The following GPR158 variants were observed in gnomAD, a reference collection of about 807,000 sequenced individuals.
GPR158 encodes metabotropic glycine receptor.
Under a neutral mutation model 78.2 loss-of-function variants are expected in GPR158, and 30 were observed. The observed-to-expected ratio is 0.38, with a 90% CI of 0.29 to 0.52. The LOEUF (loss-of-function observed/expected upper bound fraction) is 0.52. Ranked by LOEUF, GPR158 falls within the 20% of genes least tolerant of loss-of-function variation. The probability of loss-of-function intolerance (pLI) is 0.83; values close to 1 mark genes in which losing one functional copy is unlikely to be tolerated. For missense variants in GPR158, 1,463 were observed against 1,523.5 expected, an observed-to-expected ratio of 0.96 and a Z score of 0.66; for synonymous variants, 581 against 591.1, an observed-to-expected ratio of 0.98 and a Z score of 0.25.
At chr10:25,370,889 T>C (rs1480946568) in intron 2 of GPR158, among the ~76,000 whole-genome samples, 1 of 151,806 alleles carries the variant, frequency 6.6e-6, no homozygotes, top group African/African-American at 2.4e-5. Context: ...TAGTTAGCTC[T>C]TCTTGTTGAA....
intron 4 of GPR158, among the ~76,000 whole-genome samples, chr10:25,429,214 T>C (rs1472586121): frequency 6.6e-6 from 1 of 152,102 alleles, no homozygotes; most frequent in Non-Finnish European, 1.5e-5. Flanking sequence ...CAGGTGCCTT[T>C]CCCTAATTAT....
chr10:25,522,562 G>T (rs1836292303), intron 5 of GPR158, among the ~76,000 whole-genome samples: 1 of 152,132 alleles, frequency 6.6e-6, no homozygotes, highest in African/African-American at 2.4e-5. Flanking sequence ...ACTTTGCCTT[G>T]GAGGAAATTG....
At chr10:25,344,400 C>T (rs972687672) in intron 2 of GPR158, among the ~76,000 whole-genome samples, 4 of 151,604 alleles carry the variant, frequency 2.6e-5, no homozygotes, top group Admixed American at 2.0e-4. Context: ...GTGGTGAGAA[C>T]ACTTAACACT....
At chr10:25,429,605 T>G (rs1834870917) in intron 4 of GPR158, among the ~76,000 whole-genome samples, 1 of 152,004 alleles carries the variant, frequency 6.6e-6, no homozygotes, top group Non-Finnish European at 1.5e-5. Context: ...GATGCAAAAA[T>G]CCTCAATAAA....
At chr10:25,413,740 A>T (rs1834624140) in intron 4 of GPR158, among the ~76,000 whole-genome samples, 1 of 152,162 alleles carries the variant, frequency 6.6e-6, no homozygotes. Flanking sequence ...ATTCTAGGAG[A>T]TTGTATTCAT....
intron 2 of GPR158, among the ~76,000 whole-genome samples, chr10:25,250,122 G>A (rs1349323777): frequency 2.5e-5 from 3 of 120,080 alleles, no homozygotes; most frequent in Non-Finnish European, 3.4e-5. Flanking sequence ...AGTATTCTCT[G>A]ATGGTAGTTT....
intron 1 of GPR158, among the ~76,000 whole-genome samples, chr10:25,189,446 C>A (rs1306072479): frequency 6.6e-6 from 1 of 152,140 alleles, no homozygotes; most frequent in African/African-American, 2.4e-5. Flanking sequence ...CCATGGAATA[C>A]TATGCAGCCA....
At chr10:25,251,968 G>T (rs1159494746) in intron 2 of GPR158, among the ~76,000 whole-genome samples, 1 of 151,820 alleles carries the variant, frequency 6.6e-6, no homozygotes, top group Non-Finnish European at 1.5e-5. Context: ...ACGTAGATTT[G>T]GTCTTTTCAC....
Position 25,598,380 on chromosome 10 carries a change from G to A in GPR158, c.2754G>A (p.Gly918=), listed in dbSNP as rs1837441077. Residue 918 remains glycine (G), a synonymous_variant, in exon 11 of 11, where the codon GGG becomes GGA. Transcript: ENST00000376351. ...AGGAGAAGACTCTTGGATTAGCTGG[G>A]AAAACCCAAACAGCAGGTGTGGAAG... ...SAKEKTLGLA[G]KTQTAGVEER... 6.2e-7 allele frequency: 1 copy of A among 1,614,052 alleles called. No individual in the cohort carries two copies. Among genetic ancestry groups the A allele is most frequent in the Non-Finnish European group, 8.5e-7 (1 of 1,180,002 alleles).
At chr10:25,476,384 G>GTTTTTTTTTTTTTTTTTTTTTTTTTTT (rs56271781) in intron 5 of GPR158, among the ~76,000 whole-genome samples, 2 of 144,436 alleles carry the variant, frequency 1.4e-5, no homozygotes, top group Non-Finnish European at 3.0e-5. Context: ...TTTAATAAGG[G>GTTTTTTTTTTTTTTTTTTTTTTTTTTT]TTTTTTTTTT....
chr10:25,244,474 T>A (rs1853663835), intron 2 of GPR158: 1 of 152,202 alleles, frequency 6.6e-6, no homozygotes, highest in South Asian at 2.1e-4. Flanking sequence ...ACTTAACATC[T>A]TAGAATGCAG....
intron 4 of GPR158, among the ~76,000 whole-genome samples, chr10:25,446,878 C>T (rs549448116): frequency 2.6e-5 from 4 of 152,212 alleles, no homozygotes; most frequent in South Asian, 4.1e-4. Flanking sequence ...TATTTTAAAT[C>T]GGCAGATAAG....
chr10:25,426,286 T>A (rs1248331018), intron 4 of GPR158, among the ~76,000 whole-genome samples: 1 of 152,162 alleles, frequency 6.6e-6, no homozygotes, highest in African/African-American at 2.4e-5. Flanking sequence ...ATAAGGCTAT[T>A]TTGCTTTCTT....
intron 1 of GPR158, among the ~76,000 whole-genome samples, chr10:25,182,298 C>T (rs1034609131): frequency 3.9e-5 from 6 of 152,130 alleles, no homozygotes; most frequent in Non-Finnish European, 7.4e-5. Flanking sequence ...GAAGTTTCGT[C>T]GTAGATTTCT....
intron 5 of GPR158, among the ~76,000 whole-genome samples, chr10:25,500,574 T>C (rs1292451444): frequency 6.6e-6 from 1 of 152,246 alleles, no homozygotes; most frequent in East Asian, 1.9e-4. Context: ...CACAGTAATT[T>C]ATTTGAGATG....
chr10:25,371,128 C>A (rs978029485), intron 2 of GPR158, among the ~76,000 whole-genome samples: 2 of 148,396 alleles, frequency 1.3e-5, no homozygotes, highest in African/African-American at 5.0e-5. Flanking sequence ...ATCCAATTTG[C>A]CAGTCTGTGT....
At chr10:25,307,181 G>GT (rs1248223567) in intron 2 of GPR158, among the ~76,000 whole-genome samples, 3 of 151,832 alleles carry the variant, frequency 2.0e-5, no homozygotes, top group African/African-American at 7.3e-5. Context: ...TAGTCTTATA[G>GT]TTTGAGCATT....
intron 5 of GPR158, among the ~76,000 whole-genome samples, chr10:25,481,933 G>A (rs1160343366): frequency 1.3e-5 from 2 of 152,156 alleles, no homozygotes; most frequent in African/African-American, 2.4e-5. Flanking sequence ...AGGACTGGGC[G>A]GAGGGGAACA....
At chr10:25,455,467 T>A (rs1588872522) in intron 4 of GPR158, among the ~76,000 whole-genome samples, 1 of 152,180 alleles carries the variant, frequency 6.6e-6, no homozygotes, top group Non-Finnish European at 1.5e-5. Flanking sequence ...GATTTCTGTA[T>A]GTATTTAATT....
Sources: gnomAD v4.1 joint callset for allele counts (sites outside exome capture counted in the v4.1 genomes callset) on GRCh38, gnomAD v4.1.1 for gene constraint, MANE v1.5 for transcripts, NCBI Gene and HGNC (gene_info 2026-07-23, HGNC 2026-07-21) for gene names.